Variants in NAT10 observed in about 807,000 individuals in gnomAD.
NAT10 encodes RNA cytidine acetyltransferase.
Under a neutral mutation model 132.2 loss-of-function variants are expected in NAT10, and 109 were observed. The observed-to-expected ratio is 0.82, with a 90% CI of 0.71 to 0.97. The LOEUF (loss-of-function observed/expected upper bound fraction) is 0.97. NAT10 is among the 50% of genes least tolerant of loss of function. The pLI is 0.00. For missense variants in NAT10, 1,184 were observed against 1,263.4 expected (o/e 0.94, Z 0.95); for synonymous variants, 479 against 478.0 (o/e 1.00, Z -0.03).
chr11:34,134,579 A>G lies in NAT10; in HGVS notation c.1904A>G (p.Tyr635Cys). Residue 635 changes from tyrosine (Y) to cysteine (C), a missense_variant, in exon 18 of 29, where the codon TAT becomes TGT. By Grantham distance (194) the Tyr-to-Cys change is radical. Coordinates refer to ENST00000257829, the MANE Select transcript of NAT10 (RefSeq NM_024662.3). ...GTTCGCATTGCTGTTCACCCAGATT[A>G]TCAAGGGGTAATGTGTCCTCAGGCT... is the stretch of plus-strand genomic sequence containing the variant. ...RVVRIAVHPD[Y>C]QGMGYGSRAL... The G allele has an allele frequency of 6.2e-7, 1 of 1,614,076 alleles. No homozygotes were observed. Among genetic ancestry groups the G allele is most frequent in the Non-Finnish European group, 8.5e-7 (1 of 1,180,002 alleles).
rs368783271 is a variant in NAT10, at chr11:34,134,268, C to T, written c.1735-51C>T. ...AAACAAGCTATATTCTGTGAGTGGG[C>T]TCTGTATCAGAGTTGGCCTTTCTGC... On this transcript the variant is annotated intron_variant, in intron 16 of 28. Transcript: ENST00000257829. 36 of 1,466,788 alleles carry T rather than the reference C, an allele frequency of 2.5e-5. No homozygotes were observed. In the African/African-American group the frequency reaches 4.4e-4, roughly 18 times the overall value. 90.9% of individuals were successfully genotyped at this position (1,466,788 alleles called of 1,614,324 possible).
At chr11:34,109,203 C>G (rs189077758) in intron 3 of NAT10, among the ~76,000 whole-genome samples, 289 of 152,224 alleles carry the variant, frequency 1.9e-3, no homozygotes, top group Middle Eastern at 3.4e-3. Flanking sequence ...CATCCCATGT[C>G]CAAGGAAAAC....
intron 21 of NAT10, 51 bp from the exon 22 acceptor site, chr11:34,139,140 T>G: frequency 6.7e-7 from 1 of 1,487,086 alleles, no homozygotes. Flanking sequence ...AATGATGGGT[T>G]ATTCAAAAAA....
chr11:34,136,767 G>A lies in NAT10; in HGVS notation c.2154G>A (p.Arg718=). 6.2e-7 allele frequency: 1 copy of A among 1,614,126 alleles called. No homozygotes were observed. The highest frequency in any genetic ancestry group is 1.3e-5 in the African/African-American group (1 of 75,034). The part of the protein sequence containing the change: ...YLGVSYGLTP[R]LLKFWKRAGF... ...GTGTTTCCTATGGCTTGACCCCCAGGCTCCTCAAGTAAGTGCCTGCCCTCC... is the reference window on the plus strand; with the variant it reads ...GTGTTTCCTATGGCTTGACCCCCAGACTCCTCAAGTAAGTGCCTGCCCTCC... Residue 718 remains arginine, a synonymous_variant, in exon 20 of 29, where the codon AGG becomes AGA. Transcript: ENST00000257829.
At chr11:34,134,752 A>G (rs367667112) in intron 18 of NAT10, among the ~76,000 whole-genome samples, 166 bp downstream of exon 18, 24 of 152,170 alleles carry the variant, frequency 1.6e-4, no homozygotes, top group East Asian at 1.3e-3. Flanking sequence ...GGTGGACAGG[A>G]TGATGGCATA....
Position 34,134,321 on chromosome 11 carries a change from G to A in NAT10, c.1737G>A (p.Val579=), listed in dbSNP as rs1322713147. Residue 579 remains valine (V), a splice_region_variant and synonymous_variant, in exon 17 of 29, where the codon GTG becomes GTA. Transcript: ENST00000257829. The stretch of plus-strand genomic sequence containing the variant: ...GCACTGTCCTGCTTCCCCCACAGGT[G>A]TGCCTTGAAGGGGAGATTTCTCGCC... ...ALPEVLAVIQ[V]CLEGEISRQS... is the part of the protein sequence containing the mutation. 1.2e-6 allele frequency: 2 copies of A among 1,613,822 alleles called. No individual in the cohort carries two copies. The highest frequency in any genetic ancestry group is 1.3e-5 in the African/African-American group (1 of 74,928).
intron 8 of NAT10, among the ~76,000 whole-genome samples, chr11:34,119,430 T>C (rs1462734663): frequency 1.3e-5 from 2 of 152,252 alleles, no homozygotes; most frequent in Non-Finnish European, 2.9e-5. Flanking sequence ...AGCAGCTACA[T>C]AGCTCTCTAT....
chr11:34,111,861 C>T (rs1456247351), intron 3 of NAT10, among the ~76,000 whole-genome samples, 191 bp from the exon 4 acceptor site: 1 of 152,206 alleles, frequency 6.6e-6, no homozygotes. Flanking sequence ...ATCACTTACT[C>T]CAAGCCCTTA....
intron 9 of NAT10, among the ~76,000 whole-genome samples, chr11:34,123,481 C>A (rs1199111076): frequency 6.6e-6 from 1 of 152,262 alleles, no homozygotes; most frequent in Admixed American, 6.5e-5. Context: ...GAAACTACTT[C>A]TTGTAGCAGT....
intron 24 of NAT10, 95 bp from the exon 25 acceptor site, chr11:34,140,994 T>C: frequency 6.5e-7 from 1 of 1,531,882 alleles, no homozygotes; most frequent in Middle Eastern, 1.7e-4. Context: ...TTTGTACCAA[T>C]AGCTTTGGTC....
At chr11:34,130,224 A>G (rs17700877) in intron 12 of NAT10, among the ~76,000 whole-genome samples, 12,613 of 152,254 alleles carry the variant, frequency 0.083, 534 homozygotes, top group Non-Finnish European at 0.092. Flanking sequence ...TTATCAGATT[A>G]TAGGTGATTT....
intron 21 of NAT10, chr11:34,138,957 C>A (rs1852267691): frequency 2.0e-6 from 1 of 508,216 alleles, no homozygotes; most frequent in Non-Finnish European, 3.6e-6. Context: ...GTCTGTGACA[C>A]TTTTGAGGAG....
intron 28 of NAT10, among the ~76,000 whole-genome samples, chr11:34,144,961 G>A (rs1211103088): frequency 6.6e-6 from 1 of 152,242 alleles, no homozygotes; most frequent in Non-Finnish European, 1.5e-5. Flanking sequence ...AGTCACTGTG[G>A]CATCTTGAAG....
At chr11:34,117,156 T>C (rs1245527437) in intron 6 of NAT10, among the ~76,000 whole-genome samples, 1 of 151,792 alleles carries the variant, frequency 6.6e-6, no homozygotes, top group Non-Finnish European at 1.5e-5. Flanking sequence ...CTGAAAAGTC[T>C]TGCAGCAGCA....
Position 34,134,433 on chromosome 11 carries a change from C to CAGA in NAT10, c.1836+13_1836+14insAGA. 1 of 1,614,002 alleles carries CAGA rather than the reference C, an allele frequency of 6.2e-7. No individual in the cohort carries two copies. The highest frequency in any genetic ancestry group is 1.3e-5 in the African/African-American group (1 of 75,028). On this transcript the variant is annotated intron_variant, in intron 17 of 28. Coordinates refer to ENST00000257829, the MANE Select transcript of NAT10 (RefSeq NM_024662.3). ...AGTGTCAGAACAGGTGACGGGCTTT[C>CAGA]CCTGGTGTGTCTGAGGGAAGCTGGT...
At chr11:34,108,659 A>C in intron 2 of NAT10, 83 bp from the exon 3 acceptor site, 1 of 1,294,654 alleles carries the variant, frequency 7.7e-7, no homozygotes, top group Non-Finnish European at 1.1e-6. Context: ...TTTAGTTTCC[A>C]CATCCGTCAA....
chr11:34,117,669 C>T lies in NAT10; in HGVS notation c.558-511C>T, dbSNP rs562720278. ...AGGATGTTTGAATTTTATAGTCAAA[C>T]GCATTTTTTTCCCTGCTTGCAAGAA... On this transcript the variant is annotated intron_variant, in intron 6 of 28. Coordinates refer to ENST00000257829, the MANE Select transcript of NAT10 (RefSeq NM_024662.3). Among the ~76,000 whole-genome samples the T allele has an allele frequency of 5.3e-5, 8 of 152,306 alleles. No individual in the cohort carries two copies. The South Asian group carries it at 1.0e-3, about 20-fold the overall frequency.
intron 3 of NAT10, 21 bp from the exon 4 acceptor site, chr11:34,112,031 A>C: frequency 6.2e-7 from 1 of 1,613,506 alleles, no homozygotes; most frequent in Non-Finnish European, 8.5e-7. Flanking sequence ...CTCTCATGGG[A>C]TTGGGGGTGT....
Position 34,136,716 on chromosome 11 carries a change from G to A in NAT10, c.2103G>A (p.Arg701=). 1 of 1,614,148 alleles carries A rather than the reference G, an allele frequency of 6.2e-7. No homozygotes were observed. Among genetic ancestry groups the A allele is most frequent in the East Asian group, 2.2e-5 (1 of 44,872 alleles). Residue 701 remains arginine, a synonymous_variant, in exon 20 of 29, where the codon AGG becomes AGA. Coordinates refer to ENST00000257829, the MANE Select transcript of NAT10 (RefSeq NM_024662.3). Reference sequence around the variant, plus strand: ...CTTTACTCCTCAAATTGAATGAGAGGCCTGCCGAACGCCTGGATTACCTGG... The same window carrying A: ...CTTTACTCCTCAAATTGAATGAGAGACCTGCCGAACGCCTGGATTACCTGG... The part of the protein sequence containing the change: ...LPPLLLKLNE[R]PAERLDYLGV...
Sources: allele counts gnomAD v4.1 joint callset (sites outside exome capture counted in the v4.1 genomes callset), GRCh38; gene constraint gnomAD v4.1.1; transcripts MANE v1.5; gene names NCBI Gene and HGNC (gene_info 2026-07-23, HGNC 2026-07-21).